The following RSF1 variants were observed in gnomAD, a reference collection of about 807,000 sequenced individuals.
The protein encoded by RSF1 is HBV pX-associated protein 8.
In RSF1, 13 loss-of-function variants were observed where a neutral mutation model predicts 145.2. The observed-to-expected ratio is 0.09, with a 90% CI of 0.06 to 0.14. The LOEUF (loss-of-function observed/expected upper bound fraction) is 0.14, where lower values mean the gene tolerates loss of function less well. Among genes scored for constraint, RSF1 ranks in the 10% least tolerant of loss-of-function variants. The pLI is 1.00. For synonymous variants in RSF1, 577 were observed against 592.6 expected (o/e 0.97, Z 0.38); for missense variants, 1,517 against 1,718.2 (o/e 0.88, Z 2.07).
At chr11:77,785,172 T>G (rs912090544) in intron 1 of RSF1, among the ~76,000 whole-genome samples, 4 of 152,242 alleles carry the variant, frequency 2.6e-5, no homozygotes, top group African/African-American at 9.6e-5. Flanking sequence ...CAATCCTGAT[T>G]TGCCTTAGTA....
At position 77,665,132 on chromosome 11, in the gene RSF1, A is replaced by G. The variant is rs1959329518; in HGVS notation, c.*1785T>C. 6.6e-6 allele frequency: 1 copy of G among 152,242 alleles called. No individual in the cohort carries two copies. The highest frequency in any genetic ancestry group is 1.5e-5 in the Non-Finnish European group (1 of 68,040). 9.4% of individuals were successfully genotyped at this position (152,242 alleles called of 1,614,324 possible). A position where few individuals can be genotyped will look rare whatever the true frequency, so the allele number is the denominator to read the frequency against. ...GGCCAAAAGATAAGATTTAAGGGCA[A>G]TACCTGTTGAAGAAGGAAAAGGAGT... On this transcript the variant is annotated 3_prime_UTR_variant, in exon 16 of 16. Coordinates refer to ENST00000308488, the MANE Select transcript of RSF1 (RefSeq NM_016578.4).
chr11:77,681,626 A>G (rs374904616), intron 11 of RSF1, among the ~76,000 whole-genome samples: 3 of 152,340 alleles, frequency 2.0e-5, no homozygotes, highest in African/African-American at 7.2e-5. Flanking sequence ...TGAATGCAGA[A>G]AACTGCACCT....
chr11:77,697,987 T>C lies in RSF1; in HGVS notation c.2715+500A>G, dbSNP rs553958963. 1.4e-3 allele frequency among the ~76,000 whole-genome samples: 213 copies of C among 152,324 alleles called. 1 individual carries two copies. The highest frequency in any genetic ancestry group is 4.9e-3 in the African/African-American group (204 of 41,578). Reference sequence around the variant, plus strand: ...AGCTGGCACTTCAAAAATATCATTATAAAGTTACCTATTTATCTTACCTAT... The same window carrying C: ...AGCTGGCACTTCAAAAATATCATTACAAAGTTACCTATTTATCTTACCTAT... On this transcript the variant is annotated intron_variant, in intron 7 of 15. Coordinates refer to ENST00000308488, the MANE Select transcript of RSF1 (RefSeq NM_016578.4).
chr11:77,729,352 G>A (rs1433066798), intron 4 of RSF1, among the ~76,000 whole-genome samples: 7 of 152,080 alleles, frequency 4.6e-5, no homozygotes, highest in Admixed American at 4.6e-4. Context: ...TGGGCAGACT[G>A]GTTACTGACT....
At chr11:77,821,025 G>C (rs926741065), upstream of RSF1, 7 of 478,628 alleles carry the variant, frequency 1.5e-5, no homozygotes, top group Admixed American at 7.7e-5. Context: ...CAAGGGAAGC[G>C]GGGCGGGGAG....
chr11:77,796,350 T>C (rs1215364253), intron 1 of RSF1, among the ~76,000 whole-genome samples: 3 of 152,160 alleles, frequency 2.0e-5, no homozygotes, highest in Admixed American at 1.3e-4. Context: ...GCAAGGCTGG[T>C]TCAACATACA....
In RSF1 at chr11:77,808,763, G is replaced by A. The variant is rs1948703800; in HGVS notation, c.187+11765C>T. Reference sequence around the variant, plus strand: ...TTAACCGGGATGGTCTCGATCTCCTGACCTCGTGATCCGCCCACCTCGGCC... The same window carrying A: ...TTAACCGGGATGGTCTCGATCTCCTAACCTCGTGATCCGCCCACCTCGGCC... On this transcript the variant is annotated intron_variant, in intron 1 of 15. Transcript: ENST00000308488. 7.6e-5 allele frequency among the ~76,000 whole-genome samples: 8 copies of A among 105,458 alleles called. 2 individuals are homozygous for A. The highest frequency in any genetic ancestry group is 1.8e-5 in the Non-Finnish European group (1 of 55,424). The allele number at this position is 105,458 out of a possible 152,430, so 69.2% of individuals were successfully genotyped here.
chr11:77,807,397 A>G (rs984432117), intron 1 of RSF1, among the ~76,000 whole-genome samples: 1 of 152,232 alleles, frequency 6.6e-6, no homozygotes, highest in Non-Finnish European at 1.5e-5. Flanking sequence ...ACTTTGTATT[A>G]TAACTGCCTG....
At chr11:77,813,284 TAACAAC>T in intron 1 of RSF1, 1 of 701,576 alleles carries the variant, frequency 1.4e-6, no homozygotes, top group South Asian at 1.6e-5. Context: ...AATTTTTTTT[TAACAAC>T]TGGTAATCAA....
At chr11:77,725,445 A>G (rs964912567) in intron 5 of RSF1, 100 bp downstream of exon 5, 8 of 1,032,734 alleles carry the variant, frequency 7.7e-6, no homozygotes, top group Non-Finnish European at 1.0e-5. Flanking sequence ...CTCCCAATTC[A>G]AATTGAGATA....
intron 1 of RSF1, among the ~76,000 whole-genome samples, chr11:77,783,522 A>G (rs1277130777): frequency 6.6e-5 from 10 of 152,108 alleles, no homozygotes; most frequent in Non-Finnish European, 1.5e-4. Flanking sequence ...GTTTTCATCT[A>G]ATACCTTTCA....
intron 2 of RSF1, among the ~76,000 whole-genome samples, chr11:77,758,044 G>GC (rs1948133062): frequency 6.6e-6 from 1 of 151,718 alleles, no homozygotes; most frequent in African/African-American, 2.4e-5. Context: ...GAAGTAAGTG[G>GC]AAGGATCACT....
At chr11:77,765,655 CAG>C (rs1425035445) in intron 1 of RSF1, among the ~76,000 whole-genome samples, 1 of 152,206 alleles carries the variant, frequency 6.6e-6, no homozygotes, top group Non-Finnish European at 1.5e-5. Context: ...TGTAAACAAT[CAG>C]AGTTCCTCTA....
chr11:77,802,747 T>C (rs903496169), intron 1 of RSF1, among the ~76,000 whole-genome samples: 1 of 151,662 alleles, frequency 6.6e-6, no homozygotes, highest in Admixed American at 6.6e-5. Context: ...TTCACCATGT[T>C]GGCATGTTGG....
At chr11:77,743,239 T>A (rs986993096) in intron 3 of RSF1, among the ~76,000 whole-genome samples, 4 of 152,212 alleles carry the variant, frequency 2.6e-5, no homozygotes, top group Non-Finnish European at 5.9e-5. Flanking sequence ...TGGTTCCATA[T>A]GAATTTTAGG....
the RSF1 span, among the ~76,000 whole-genome samples, chr11:77,847,342 T>C: frequency 1.3e-5 from 2 of 152,236 alleles, no homozygotes; most frequent in South Asian, 2.1e-4. Context: ...GGAAACTTTG[T>C]AGGTTGTATA....
intron 8 of RSF1, among the ~76,000 whole-genome samples, chr11:77,692,178 A>C (rs1960165705): frequency 6.7e-6 from 1 of 149,038 alleles, no homozygotes; most frequent in Non-Finnish European, 1.5e-5. Flanking sequence ...GGCATAAGCC[A>C]CCACGCTTGG....
chr11:77,836,896 C>T, the RSF1 span, among the ~76,000 whole-genome samples: 2 of 152,014 alleles, frequency 1.3e-5, no homozygotes, highest in African/African-American at 4.8e-5. Flanking sequence ...ACCCGGGAGG[C>T]GGAGGTTGCG....
At chr11:77,671,153 A>ATATATATATT (rs1959530451) in intron 15 of RSF1, among the ~76,000 whole-genome samples, 2 of 67,290 alleles carry the variant, frequency 3.0e-5, no homozygotes, top group African/African-American at 1.9e-4. Flanking sequence ...ATATATATAT[A>ATATATATATT]TATATATATA....
Sources: gnomAD v4.1 joint callset for allele counts (sites outside exome capture counted in the v4.1 genomes callset) on GRCh38, gnomAD v4.1.1 for gene constraint, MANE v1.5 for transcripts, NCBI Gene and HGNC (gene_info 2026-07-23, HGNC 2026-07-21) for gene names.